The following BRWD1 variants were observed in gnomAD, a reference collection of about 807,000 sequenced individuals.
The protein encoded by BRWD1 is bromodomain and WD repeat domain containing 1.
A neutral mutation model predicts 251.2 loss-of-function variants in BRWD1; 82 were observed. The ratio of observed to expected loss-of-function variants is 0.33; its 90% CI spans 0.27 to 0.39. The LOEUF is 0.39. BRWD1 is among the 10% of genes least tolerant of loss of function. The pLI is 1.00. For missense variants in BRWD1, 2,233 were observed against 2,711.6 expected (o/e 0.82, Z 3.92); for synonymous variants, 918 against 902.8 (o/e 1.02, Z -0.30).
intron 23 of BRWD1, 112 bp downstream of exon 23, chr21:39,236,483 C>G (rs1402591233): frequency 1.0e-6 from 1 of 1,001,620 alleles, no homozygotes; most frequent in Non-Finnish European, 1.4e-6. Context: ...GGGCCCAAGA[C>G]ACCCAAGGCA....
intron 13 of BRWD1, among the ~76,000 whole-genome samples, chr21:39,273,830 ATG>A (rs1475723965): frequency 6.6e-6 from 1 of 152,204 alleles, no homozygotes; most frequent in Non-Finnish European, 1.5e-5. Context: ...AAAAACTGAT[ATG>A]AAAAAGTGCA....
In BRWD1 at chr21:39,192,620, T is replaced by C; in HGVS notation, c.*3639A>G. ...TTGGTGACAACTGCAAGATACCTGA[T>C]AAATAAATATATCAACTTACTATTC... On this transcript the variant is annotated 3_prime_UTR_variant, in exon 41 of 41. Transcript: ENST00000342449. 1.0e-6 allele frequency: 1 copy of C among 984,270 alleles called. No individual in the cohort carries two copies. Among genetic ancestry groups the C allele is most frequent in the Non-Finnish European group, 1.2e-6 (1 of 828,940 alleles). The allele number at this position is 984,270 out of a possible 1,614,324, so 61.0% of individuals were successfully genotyped here.
At position 39,277,258 on chromosome 21, in the gene BRWD1, C is replaced by T. The variant is rs1351485487; in HGVS notation, c.1097G>A (p.Ser366Asn). 6.2e-7 allele frequency: 1 copy of T among 1,606,300 alleles called. No individual in the cohort carries two copies. The change falls in exon 11 of 41, where the codon AGC (serine) becomes AAC (asparagine). Residue 366 changes from serine (S) to asparagine (N), a missense_variant. Transcript: ENST00000342449. ...TAAAACGTGGATGCTTACAGTGTGG[C>T]TTTCAAGTTCTGCGATTTTTTCGGG... is the stretch of plus-strand genomic sequence containing the variant. Reference protein sequence around the residue: ...EAPEKIAELESHTDKVDSIQF... With the variant: ...EAPEKIAELENHTDKVDSIQF...
chr21:39,287,460 T>TA (rs145050610), intron 8 of BRWD1, among the ~76,000 whole-genome samples: 48 of 152,360 alleles, frequency 3.2e-4, no homozygotes, highest in African/African-American at 1.2e-3. Context: ...TAACTACAGA[T>TA]ACAATGCATT....
Position 39,255,815 on chromosome 21 carries a change from C to G in BRWD1, c.2085G>C (p.Leu695=), listed in dbSNP as rs2034545434. Residue 695 remains leucine (L), a synonymous_variant, in exon 19 of 41, where the codon CTG becomes CTC. Transcript: ENST00000342449. ...TTGGAGGGGACTGAATGTCTAAGCT[C>G]AGCCTTCTAAAACCTAGGAAAATAT... is the stretch of plus-strand genomic sequence containing the variant. ...EETPRRGFRR[L]SLDIQSPPNI... 2.5e-6 allele frequency: 4 copies of G among 1,614,018 alleles called. No individual in the cohort carries two copies. The highest frequency in any genetic ancestry group is 3.4e-6 in the Non-Finnish European group (4 of 1,179,898).
intron 5 of BRWD1, chr21:39,297,895 AAAG>A (rs771526547): frequency 6.1e-6 from 6 of 984,444 alleles, no homozygotes; most frequent in Non-Finnish European, 7.2e-6. Flanking sequence ...GCTAACAGAA[AAAG>A]AATAGCAATT....
chr21:39,187,808 A>G lies in BRWD1; in HGVS notation c.*8451T>C. The G allele has an allele frequency of 1.0e-6, 1 of 985,362 alleles. No homozygotes were observed. 61.0% of individuals were successfully genotyped at this position (985,362 alleles called of 1,614,324 possible). On this transcript the variant is annotated 3_prime_UTR_variant, in exon 41 of 41. Coordinates refer to ENST00000342449, the MANE Select transcript of BRWD1 (RefSeq NM_033656.4). ...CACACGAGATTCAGATTAAAATTCT[A>G]AAAAATAACACAGAGTTGCTTTAAG... is the stretch of plus-strand genomic sequence containing the variant.
intron 8 of BRWD1, among the ~76,000 whole-genome samples, chr21:39,293,501 A>G (rs1395724787): frequency 1.3e-5 from 2 of 152,156 alleles, no homozygotes; most frequent in African/African-American, 4.8e-5. Flanking sequence ...TCAAAAAAAA[A>G]AAAAAATCAA....
At chr21:39,313,010 A>G in intron 3 of BRWD1, 62 bp downstream of exon 3, 1 of 1,142,908 alleles carries the variant, frequency 8.7e-7, no homozygotes, top group Non-Finnish European at 1.1e-6. Context: ...GCGGGCGAGC[A>G]TCCCTCAGGG....
chr21:39,313,334 C>CGGGGA (rs2036580223), intron 1 of BRWD1, 35 bp from the exon 2 acceptor site: 5 of 1,475,436 alleles, frequency 3.4e-6, no homozygotes, highest in African/African-American at 1.5e-5. Context: ...CAAGCCCCGG[C>CGGGGA]GGGGAGGGGA....
intron 7 of BRWD1, among the ~76,000 whole-genome samples, chr21:39,295,167 A>C (rs936870992): frequency 7.6e-6 from 1 of 131,848 alleles, no homozygotes; most frequent in African/African-American, 2.8e-5. Flanking sequence ...AGTGTTAGGT[A>C]TGTCTATGTT....
At chr21:39,261,715 G>A (rs779359693) in intron 17 of BRWD1, among the ~76,000 whole-genome samples, 55 of 151,044 alleles carry the variant, frequency 3.6e-4, no homozygotes, top group South Asian at 6.2e-4. Context: ...GGTATTGCTA[G>A]TAAGACATTA....
At chr21:39,239,293 T>G (rs1166950345) in intron 21 of BRWD1, among the ~76,000 whole-genome samples, 1 of 152,152 alleles carries the variant, frequency 6.6e-6, no homozygotes, top group Admixed American at 6.5e-5. Context: ...CTTTGTTATC[T>G]TCTAGAAGTT....
intron 4 of BRWD1, among the ~76,000 whole-genome samples, chr21:39,310,841 T>C (rs2036457236): frequency 6.6e-6 from 1 of 151,896 alleles, no homozygotes; most frequent in Non-Finnish European, 1.5e-5. Flanking sequence ...TTACAGGTGT[T>C]AGCACCGCAG....
intron 22 of BRWD1, among the ~76,000 whole-genome samples, chr21:39,238,074 A>T (rs2033872308): frequency 6.6e-6 from 1 of 152,142 alleles, no homozygotes; most frequent in Admixed American, 6.5e-5. Context: ...TGTTGAGATG[A>T]AGGTGACGTG....
At chr21:39,279,496 G>A (rs945527146) in intron 9 of BRWD1, among the ~76,000 whole-genome samples, 4 of 151,296 alleles carry the variant, frequency 2.6e-5, no homozygotes, top group Admixed American at 6.6e-5. Context: ...AAAATTAGCT[G>A]GACGTGGTGG....
At chr21:39,210,228 G>T in intron 35 of BRWD1, 81 bp from the exon 36 acceptor site, 1 of 1,186,350 alleles carries the variant, frequency 8.4e-7, no homozygotes, top group Non-Finnish European at 1.2e-6. Flanking sequence ...TCTAAAAAAT[G>T]TGAAATGATG....
At position 39,208,603 on chromosome 21, in the gene BRWD1, A is replaced by G. The variant is rs1020545948; in HGVS notation, c.4197+1392T>C. On this transcript the variant is annotated intron_variant, in intron 36 of 40. Coordinates refer to ENST00000342449, the MANE Select transcript of BRWD1 (RefSeq NM_033656.4). ...AGTCTTGCTCTGTTGCCCAGGCTAGAGTGCAGTGGCATGATCTCAGCTCAC... is the reference window on the plus strand; with the variant it reads ...AGTCTTGCTCTGTTGCCCAGGCTAGGGTGCAGTGGCATGATCTCAGCTCAC... 4.6e-5 allele frequency among the ~76,000 whole-genome samples: 7 copies of G among 152,194 alleles called. No homozygotes were observed. The South Asian group carries it at 6.2e-4, about 13-fold the overall frequency.
At chr21:39,282,847 T>G (rs1283359911) in intron 8 of BRWD1, among the ~76,000 whole-genome samples, 1 of 151,178 alleles carries the variant, frequency 6.6e-6, no homozygotes, top group Non-Finnish European at 1.5e-5. Flanking sequence ...TAATCCCAAC[T>G]ACTCGGGAGG....
Sources: allele counts gnomAD v4.1 joint callset (sites outside exome capture counted in the v4.1 genomes callset), GRCh38; gene constraint gnomAD v4.1.1; transcripts MANE v1.5; gene names NCBI Gene and HGNC (gene_info 2026-07-23, HGNC 2026-07-21).